Variants in DAB1 observed in about 807,000 individuals in gnomAD.
The protein encoded by DAB1 is DAB adaptor protein 1.
In DAB1, 15 loss-of-function variants were observed where a neutral mutation model predicts 64.6. The observed-to-expected ratio is 0.23, with a 90% CI of 0.16 to 0.36. The LOEUF is 0.36. Among genes scored for constraint, DAB1 ranks in the 10% least tolerant of loss-of-function variants. The pLI, the probability that DAB1 is intolerant of heterozygous loss-of-function variation, is 1.00. For missense variants in DAB1, 596 were observed against 706.7 expected, an observed-to-expected ratio of 0.84 and a Z score of 1.78; for synonymous variants, 235 against 251.9, an observed-to-expected ratio of 0.93 and a Z score of 0.64.
intron 6 of DAB1, among the ~76,000 whole-genome samples, chr1:57,706,260 C>T (rs927795301): frequency 6.6e-6 from 1 of 151,880 alleles, no homozygotes; most frequent in Admixed American, 6.6e-5. Flanking sequence ...TCTTTCTCTA[C>T]TTTTTTTCTC....
At chr1:58,350,517 T>C (rs1644045341) in intron 3 of DAB1, among the ~76,000 whole-genome samples, 3 of 152,194 alleles carry the variant, frequency 2.0e-5, no homozygotes, top group African/African-American at 7.2e-5. Flanking sequence ...GGTGTTTTCA[T>C]CATGAAGTCT....
chr1:58,379,208 C>A lies in DAB1; in HGVS notation n.258-35805G>T, dbSNP rs849497. ...TTCGGCCATCTTGGCTCCTCCCCCC[C>A]AGCTTACTATTTTCTTCCATGGCTA... is the stretch of plus-strand genomic sequence containing the variant. On this transcript the variant is annotated intron_variant and non_coding_transcript_variant, in intron 3 of 20. Coordinates refer to the DAB1 transcript ENST00000485760. 1.9e-3 allele frequency among the ~76,000 whole-genome samples: 295 copies of A among 152,042 alleles called. 2 individuals carry two copies. The highest frequency in any genetic ancestry group is 6.9e-3 in the African/African-American group (287 of 41,438).
At chr1:56,999,112 G>GTTC (rs1251712949) in intron 14 of DAB1, among the ~76,000 whole-genome samples, 18 of 142,178 alleles carry the variant, frequency 1.3e-4, no homozygotes, top group Admixed American at 6.4e-4. Flanking sequence ...TGTCATATAG[G>GTTC]TTCTTATTAT....
At chr1:58,207,215 T>C (rs991139642) in intron 4 of DAB1, among the ~76,000 whole-genome samples, 3 of 152,236 alleles carry the variant, frequency 2.0e-5, no homozygotes, top group Non-Finnish European at 4.4e-5. Flanking sequence ...GCAAGTTAAA[T>C]ATCTGCTGCT....
chr1:57,275,365 G>A (rs764999118), intron 2 of DAB1, among the ~76,000 whole-genome samples: 27 of 152,136 alleles, frequency 1.8e-4, no homozygotes, highest in Non-Finnish European at 3.1e-4. Flanking sequence ...CAGAGAGGGC[G>A]GCAGTAGAAT....
At chr1:57,774,851 T>G (rs556099597) in intron 6 of DAB1, among the ~76,000 whole-genome samples, 2 of 151,918 alleles carry the variant, frequency 1.3e-5, no homozygotes, top group South Asian at 4.1e-4. Flanking sequence ...TGGTACTATC[T>G]TCCTCAAATG....
chr1:57,424,077 AC>A (rs1205167564), upstream of DAB1: 1 of 151,692 alleles, frequency 6.6e-6, no homozygotes, highest in African/African-American at 2.4e-5. Context: ...CCCGGGAGCC[AC>A]CGGCCCCGCG....
chr1:58,080,952 T>C (rs12760204), intron 5 of DAB1, among the ~76,000 whole-genome samples: 16,281 of 152,280 alleles, frequency 0.11, 1,180 homozygotes, highest in Non-Finnish European at 0.17. Context: ...ACTAGCAACA[T>C]GCCAAGGACA....
chr1:57,776,781 A>G (rs984475538), intron 6 of DAB1, among the ~76,000 whole-genome samples: 5 of 151,748 alleles, frequency 3.3e-5, no homozygotes, highest in Admixed American at 6.6e-5. Context: ...ACTTCTACAT[A>G]TGTTGCAAAC....
intron 6 of DAB1, among the ~76,000 whole-genome samples, chr1:57,674,032 C>T (rs936514939): frequency 6.6e-6 from 1 of 151,830 alleles, no homozygotes; most frequent in African/African-American, 2.4e-5. Context: ...CTGGAACCAC[C>T]CTAGAGGGTT....
chr1:58,105,327 C>T (rs1651568549), intron 5 of DAB1, among the ~76,000 whole-genome samples: 1 of 152,208 alleles, frequency 6.6e-6, no homozygotes, highest in African/African-American at 2.4e-5. Flanking sequence ...CATCGGCACC[C>T]ATTAGAAGGA....
At position 57,748,635 on chromosome 1, in the gene DAB1, G is replaced by A. The variant is rs377187055; in HGVS notation, n.552-98970C>T. Among the ~76,000 whole-genome samples the A allele has an allele frequency of 1.4e-4, 22 of 152,168 alleles. No individual in the cohort carries two copies. The East Asian group carries it at 2.1e-3, about 15-fold the overall frequency. ...AAATTTAGATTTAAATTTGATACAA[G>A]GAGACATTTCAAATAACTAGAGTGG... On this transcript the variant is annotated intron_variant and non_coding_transcript_variant, in intron 6 of 20. Transcript: ENST00000485760.
intron 2 of DAB1, among the ~76,000 whole-genome samples, chr1:57,189,607 G>A (rs975295255): frequency 2.0e-5 from 3 of 152,090 alleles, no homozygotes; most frequent in Non-Finnish European, 2.9e-5. Context: ...GACAGTAAAA[G>A]GGCAGGCAGG....
intron 2 of DAB1, among the ~76,000 whole-genome samples, chr1:57,156,642 G>T (rs890494640): frequency 1.2e-4 from 19 of 152,314 alleles, no homozygotes; most frequent in Non-Finnish European, 2.2e-4. Context: ...CAGTCCATAA[G>T]TATGATTCAT....
At chr1:57,680,194 T>C (rs913556267) in intron 6 of DAB1, among the ~76,000 whole-genome samples, 8 of 152,220 alleles carry the variant, frequency 5.3e-5, no homozygotes, top group Admixed American at 1.3e-4. Context: ...GGATCGAAGA[T>C]AGAAAAGAAA....
At chr1:57,957,449 T>C (rs886750261) in intron 5 of DAB1, among the ~76,000 whole-genome samples, 17 of 152,152 alleles carry the variant, frequency 1.1e-4, no homozygotes, top group Non-Finnish European at 2.5e-4. Context: ...AGGAGTTTGG[T>C]TTTGAACATA....
Position 57,796,086 on chromosome 1 carries a change from C to T in DAB1, n.551+87913G>A, listed in dbSNP as rs548457126. On this transcript the variant is annotated intron_variant and non_coding_transcript_variant, in intron 6 of 20. Transcript: ENST00000485760. ...GTAATTTATTTATTTTTCTCTAAGT[C>T]TAATCTGGGCTCCCTCTCAAACTCT... Among the ~76,000 whole-genome samples, 11 of 152,076 alleles carry T rather than the reference C, an allele frequency of 7.2e-5. No individual in the cohort carries two copies. The East Asian group carries it at 1.7e-3, about 24-fold the overall frequency.
At chr1:57,007,803 C>T (rs1646132684) in intron 14 of DAB1, among the ~76,000 whole-genome samples, 1 of 152,204 alleles carries the variant, frequency 6.6e-6, no homozygotes, top group Admixed American at 6.5e-5. Flanking sequence ...AAGCCATGGA[C>T]ATAACTTTCC....
At chr1:58,352,087 C>G (rs1644064158) in intron 3 of DAB1, among the ~76,000 whole-genome samples, 1 of 151,826 alleles carries the variant, frequency 6.6e-6, no homozygotes, top group African/African-American at 2.4e-5. Context: ...GCTTGAAGGC[C>G]TGCTCAGGGC....
Sources: allele counts gnomAD v4.1 joint callset (sites outside exome capture counted in the v4.1 genomes callset), GRCh38; gene constraint gnomAD v4.1.1; transcripts MANE v1.5; gene names NCBI Gene and HGNC (gene_info 2026-07-23, HGNC 2026-07-21).